The following WDR64 variants were observed in gnomAD, a reference collection of about 807,000 sequenced individuals.
WDR64 encodes WD repeat-containing protein 64.
Under a neutral mutation model 139.3 loss-of-function variants are expected in WDR64, and 112 were observed. The observed-to-expected ratio is 0.80, with a 90% confidence interval of 0.69 to 0.94. The LOEUF (loss-of-function observed/expected upper bound fraction) is 0.94. Ranked by LOEUF, WDR64 falls within the 40% of genes least tolerant of loss-of-function variation. WDR64 has a pLI of 0.00. For synonymous variants in WDR64, 444 were observed against 437.7 expected (o/e 1.01, Z -0.18); for missense variants, 1,206 against 1,293.1 (o/e 0.93, Z 1.03).
chr1:241,726,271 T>A (rs56069404), intron 10 of WDR64, among the ~76,000 whole-genome samples: 48,048 of 151,580 alleles, frequency 0.32, 8,363 homozygotes, highest in Middle Eastern at 0.44. Context: ...AAATTAATTT[T>A]TAAAAAAAGA....
chr1:241,727,010 C>G (rs1307621111), intron 10 of WDR64, among the ~76,000 whole-genome samples: 1 of 152,046 alleles, frequency 6.6e-6, no homozygotes, highest in Non-Finnish European at 1.5e-5. Flanking sequence ...CCTCAGCCTC[C>G]CAAGTAGCTG....
chr1:241,687,573 T>C lies in WDR64; in HGVS notation c.952T>C (p.Leu318=), dbSNP rs768896861. ...TAATCATTCATTAGTTTTGGAATCCTTGAAGAGACTCGAGGATAATTTGTA... is the reference window on the plus strand; with the variant it reads ...TAATCATTCATTAGTTTTGGAATCCCTGAAGAGACTCGAGGATAATTTGTA... ...DSNHSLVLES[L]KRLEDNLPVR... Residue 318 remains leucine (L), a synonymous_variant, in exon 8 of 28, where the codon TTG becomes CTG. Coordinates refer to ENST00000437684, the MANE Select transcript of WDR64 (RefSeq NM_001367482.1). The C allele has an allele frequency of 1.4e-5, 23 of 1,613,354 alleles. 2 individuals carry two copies. The Admixed American group carries it at 2.5e-4, about 18-fold the overall frequency.
chr1:241,741,673 C>G lies in WDR64; in HGVS notation c.1470+9C>G. The G allele has an allele frequency of 6.4e-7, 1 of 1,571,218 alleles. No homozygotes were observed. ...CTGAATCCATAATTAGGGTAAGTAC[C>G]TATTGGCTTTTCAAACAGAAAAAAA... On this transcript the variant is annotated intron_variant, in intron 12 of 27. Transcript: ENST00000437684.
chr1:241,795,155 C>T, intron 25 of WDR64, 52 bp from the exon 26 acceptor site: 1 of 1,513,970 alleles, frequency 6.6e-7, no homozygotes, highest in Non-Finnish European at 9.1e-7. Context: ...AGGTATTTTA[C>T]CAGTGATAGG....
At chr1:241,660,455 A>G in intron 1 of WDR64, 75 bp from the exon 2 acceptor site, 1 of 1,494,964 alleles carries the variant, frequency 6.7e-7, no homozygotes, top group Non-Finnish European at 9.0e-7. Context: ...AGGTGAGGAA[A>G]TAAAAAATGT....
At chr1:241,761,497 C>T (rs1014397219) in intron 15 of WDR64, among the ~76,000 whole-genome samples, 2 of 151,446 alleles carry the variant, frequency 1.3e-5, no homozygotes, top group Non-Finnish European at 2.9e-5. Flanking sequence ...ATTTTTCTAT[C>T]TATGTTGTTG....
At chr1:241,792,809 T>C (rs555271177) in intron 25 of WDR64, among the ~76,000 whole-genome samples, 12 of 152,250 alleles carry the variant, frequency 7.9e-5, no homozygotes, top group African/African-American at 1.4e-4. Context: ...GTGGTGTAAA[T>C]TGGTAGAACC....
At chr1:241,690,712 A>C (rs1438370849) in intron 8 of WDR64, among the ~76,000 whole-genome samples, 1 of 152,186 alleles carries the variant, frequency 6.6e-6, no homozygotes, top group East Asian at 1.9e-4. Context: ...ATATGCTATC[A>C]GTATACCTGC....
intron 1 of WDR64, among the ~76,000 whole-genome samples, chr1:241,653,558 T>TTC (rs1164955084): frequency 1.3e-5 from 2 of 150,228 alleles, no homozygotes; most frequent in East Asian, 3.9e-4. Context: ...TTTTTTTTTT[T>TTC]CTGAGACGGA....
chr1:241,790,565 A>T (rs367928810), intron 24 of WDR64, 26 bp from the exon 25 acceptor site: 28 of 1,551,750 alleles, frequency 1.8e-5, no homozygotes, highest in African/African-American at 2.7e-5. Context: ...ATGGGTATGT[A>T]CTTATTCTTG....
intron 1 of WDR64, among the ~76,000 whole-genome samples, chr1:241,659,616 A>G (rs1665744977): frequency 6.6e-6 from 1 of 152,134 alleles, no homozygotes; most frequent in African/African-American, 2.4e-5. Flanking sequence ...CTGGTATAAG[A>G]TATTATCTCA....
In WDR64 at chr1:241,787,896, G is replaced by T. The variant is rs143794967; in HGVS notation, c.2753G>T (p.Arg918Leu). The change falls in exon 24 of 28, where the codon CGA (arginine) becomes CTA (leucine). Residue 918 changes from arginine (R) to leucine (L), a missense_variant. By Grantham distance (102) the Arg-to-Leu change is moderately radical (BLOSUM62 -2). Transcript: ENST00000437684. ...NGHYCGYFGQ[R>L]RLFELSQTRD... is the part of the protein sequence containing the mutation. Reference sequence around the variant, plus strand: ...CATTATTGTGGATATTTTGGACAGCGAAGGCTCTTTGAATTATCACAGACA... The same window carrying T: ...CATTATTGTGGATATTTTGGACAGCTAAGGCTCTTTGAATTATCACAGACA... 6.2e-7 allele frequency: 1 copy of T among 1,611,670 alleles called. No individual in the cohort carries two copies. The highest frequency in any genetic ancestry group is 1.7e-5 in the Admixed American group (1 of 59,608).
intron 1 of WDR64, among the ~76,000 whole-genome samples, chr1:241,655,701 TTTTC>T (rs1665564474): frequency 8.3e-5 from 1 of 12,076 alleles, no homozygotes; most frequent in African/African-American, 2.7e-4. Flanking sequence ...CCTTTTTTTC[TTTTC>T]TTTTTTTTTT....
chr1:241,755,340 A>G (rs1389415077), intron 14 of WDR64, among the ~76,000 whole-genome samples: 2 of 151,898 alleles, frequency 1.3e-5, no homozygotes, highest in South Asian at 2.1e-4. Flanking sequence ...GCTTTTTTTC[A>G]TGTTTGTTGG....
rs181111751 is a variant in WDR64, at chr1:241,760,611, T to C, written c.1947+3152T>C. Among the ~76,000 whole-genome samples, 16 of 150,552 alleles carry C rather than the reference T, an allele frequency of 1.1e-4. No individual in the cohort carries two copies. The East Asian group carries it at 2.7e-3, about 26-fold the overall frequency. On this transcript the variant is annotated intron_variant, in intron 15 of 27. Transcript: ENST00000437684. ...GGAAAAGAACAACTTAGATAGAAAA[T>C]TGACAAAAGATATGAAGAAATAGTC... is the stretch of plus-strand genomic sequence containing the variant.
chr1:241,786,822 G>C (rs568482726), intron 23 of WDR64, among the ~76,000 whole-genome samples: 3 of 152,176 alleles, frequency 2.0e-5, no homozygotes, highest in South Asian at 2.1e-4. Flanking sequence ...TAGAAAGAAA[G>C]CAAATGTGGT....
intron 27 of WDR64, 134 bp downstream of exon 27, chr1:241,796,504 T>C: frequency 6.1e-6 from 4 of 654,196 alleles, no homozygotes; most frequent in East Asian, 3.1e-5. Context: ...TTTTTTTTTT[T>C]TTCTTGAGGC....
At chr1:241,788,981 A>T (rs1558525996) in intron 24 of WDR64, among the ~76,000 whole-genome samples, 1 of 152,156 alleles carries the variant, frequency 6.6e-6, no homozygotes, top group South Asian at 2.1e-4. Context: ...TAATTTGTCC[A>T]TATGCATCTT....
chr1:241,711,014 A>G (rs535106606), intron 8 of WDR64, among the ~76,000 whole-genome samples: 3 of 152,336 alleles, frequency 2.0e-5, no homozygotes, highest in African/African-American at 7.2e-5. Flanking sequence ...AAGCAGGTGG[A>G]TCACCTGAGG....
Sources: allele counts gnomAD v4.1 joint callset (sites outside exome capture counted in the v4.1 genomes callset), GRCh38; gene constraint gnomAD v4.1.1; transcripts MANE v1.5; gene names NCBI Gene and HGNC (gene_info 2026-07-23, HGNC 2026-07-21).